SAFB: variants seen among roughly 807,000 people sequenced by gnomAD.
SAFB encodes the protein scaffold attachment factor B1.
Under a neutral mutation model 101.6 loss-of-function variants are expected in SAFB, and 15 were observed. That is an observed-to-expected ratio of 0.15 (90% CI 0.10 to 0.23). The LOEUF is 0.23. Among genes scored for constraint, SAFB ranks in the 10% least tolerant of loss-of-function variants. SAFB has a pLI of 1.00. For missense variants in SAFB, 930 were observed against 1,104.1 expected (o/e 0.84, Z 2.23); for synonymous variants, 449 against 407.5 (o/e 1.10, Z -1.23).
chr19:5,658,849 AAAG>A (rs966321326), intron 14 of SAFB, among the ~76,000 whole-genome samples: 2 of 146,278 alleles, frequency 1.4e-5, no homozygotes, highest in African/African-American at 5.1e-5. Flanking sequence ...TCTCAAAAAA[AAAG>A]GGGGGGTCGG....
At chr19:5,657,462 C>T (rs2054089267) in intron 14 of SAFB, 115 bp downstream of exon 14, 1 of 645,500 alleles carries the variant, frequency 1.5e-6, no homozygotes, top group Non-Finnish European at 2.8e-6. Flanking sequence ...AACCTTTTTG[C>T]TCCTTCAGCT....
intron 4 of SAFB, among the ~76,000 whole-genome samples, chr19:5,642,652 T>C (rs1253308196): frequency 2.6e-5 from 1 of 37,874 alleles, no homozygotes; most frequent in Admixed American, 2.9e-4. Context: ...CCTTCCTTTC[T>C]TTTTTTTTTT....
Position 5,654,180 on chromosome 19 carries a change from G to A in SAFB, c.1646G>A (p.Arg549Gln), listed in dbSNP as rs767791028. 8 of 1,614,204 alleles carry A rather than the reference G, an allele frequency of 5.0e-6. No homozygotes were observed. The highest frequency in any genetic ancestry group is 4.4e-5 in the South Asian group (4 of 91,082). The change falls in exon 12 of 21, where the codon CGA becomes CAA. Residue 549 changes from arginine to glutamine, a missense_variant. Transcript: ENST00000588852. ...GATCAGAAACCTGGCCCCTCAGAGC[G>A]ATCTCGAGCCACAAAGTCAGGTGGG... Reference protein sequence around the residue: ...QDDQKPGPSERSRATKSGSRG... With the variant: ...QDDQKPGPSEQSRATKSGSRG...
intron 14 of SAFB, 99 bp from the exon 15 acceptor site, chr19:5,661,419 A>T (rs1174440267): frequency 6.5e-7 from 1 of 1,538,198 alleles, no homozygotes; most frequent in African/African-American, 1.4e-5. Flanking sequence ...GTGGACGCAC[A>T]GCCCTGGAGT....
chr19:5,634,146 G>A (rs1335163429), intron 2 of SAFB, among the ~76,000 whole-genome samples: 1 of 152,070 alleles, frequency 6.6e-6, no homozygotes, highest in African/African-American at 2.4e-5. Flanking sequence ...TTCAAGTCCT[G>A]CGAAATCACT....
intron 8 of SAFB, 68 bp downstream of exon 8, chr19:5,650,043 C>G (rs945107544): frequency 7.9e-7 from 1 of 1,266,494 alleles, no homozygotes; most frequent in African/African-American, 1.5e-5. Context: ...GTATTTGATT[C>G]TGGTTCATCG....
At chr19:5,647,080 G>A (rs11671068) in intron 5 of SAFB, among the ~76,000 whole-genome samples, 2,987 of 152,344 alleles carry the variant, frequency 0.02, 52 homozygotes, top group South Asian at 0.096. Context: ...CCCATCAGTT[G>A]ACTGGAATTC....
chr19:5,641,433 G>C (rs2053711138), intron 2 of SAFB, among the ~76,000 whole-genome samples, 161 bp from the exon 3 acceptor site: 2 of 151,776 alleles, frequency 1.3e-5, no homozygotes, highest in African/African-American at 4.8e-5. Context: ...GGGCAGGGCT[G>C]TCTTGTGCGG....
chr19:5,649,102 G>C lies in SAFB; in HGVS notation c.751G>C (p.Asp251His). ...ACAGGACACAAGTAGCGTGGGGCCA[G>C]ACAGAAAGCTTGCGGAGGAAGAGGA... ...FAQDTSSVGPDRKLAEEEDLF... is the reference protein window; with the variant it reads ...FAQDTSSVGPHRKLAEEEDLF... The change falls in exon 7 of 21, where the codon GAC (aspartate) becomes CAC (histidine). Residue 251 changes from aspartate (D) to histidine (H), a missense_variant. Asp to His is a moderately conservative substitution (Grantham distance 81, BLOSUM62 -1). Coordinates refer to ENST00000588852, the MANE Select transcript of SAFB (RefSeq NM_001201338.2). 1 of 445,272 alleles carries C rather than the reference G, an allele frequency of 2.2e-6. No individual in the cohort carries two copies. Among genetic ancestry groups the C allele is most frequent in the Non-Finnish European group, 3.8e-6 (1 of 264,816 alleles). The allele number at this position is 445,272 out of a possible 1,614,324, so 27.6% of individuals were successfully genotyped here.
chr19:5,661,561 C>G lies in SAFB; in HGVS notation c.1906C>G (p.Gln636Glu). The G allele has an allele frequency of 6.2e-7, 1 of 1,613,108 alleles. No homozygotes were observed. The highest frequency in any genetic ancestry group is 1.7e-5 in the Admixed American group (1 of 60,016). The change falls in exon 15 of 21, where the codon CAG becomes GAG. Residue 636 changes from glutamine to glutamate, a missense_variant. Transcript: ENST00000588852. ...TGAACGCGAACAACGCATGCAGGCG[C>G]AGTGGGAGCGCGAGGAGCGTGAGCG... ...RSEREQRMQA[Q>E]WEREERERLE...
At chr19:5,665,675 C>T (rs1599391036) in intron 17 of SAFB, 1 of 152,152 alleles carries the variant, frequency 6.6e-6, no homozygotes, top group East Asian at 1.9e-4. Flanking sequence ...GCTCTCCTAA[C>T]AGTGGAACGC....
chr19:5,628,147 A>G (rs567155306), intron 2 of SAFB, among the ~76,000 whole-genome samples: 56 of 152,246 alleles, frequency 3.7e-4, no homozygotes, highest in African/African-American at 1.2e-3. Flanking sequence ...GCTACTCAGG[A>G]GGCTGAGGCA....
chr19:5,656,020 C>T (rs2054051107), intron 13 of SAFB, among the ~76,000 whole-genome samples: 1 of 152,068 alleles, frequency 6.6e-6, no homozygotes, highest in Non-Finnish European at 1.5e-5. Flanking sequence ...TCCATTTTTT[C>T]TCTATTAAAT....
At chr19:5,644,834 A>G (rs2145437313) in intron 4 of SAFB, among the ~76,000 whole-genome samples, 1 of 152,322 alleles carries the variant, frequency 6.6e-6, no homozygotes, top group East Asian at 1.9e-4. Flanking sequence ...GGATATTGCC[A>G]GTCTCGAGCT....
chr19:5,629,123 A>G (rs2053433577), intron 2 of SAFB, among the ~76,000 whole-genome samples: 1 of 152,216 alleles, frequency 6.6e-6, no homozygotes, highest in African/African-American at 2.4e-5. Context: ...CATGGGAGTA[A>G]AAAGCAGAAG....
At chr19:5,658,420 C>T (rs2054114497) in intron 14 of SAFB, among the ~76,000 whole-genome samples, 1 of 152,246 alleles carries the variant, frequency 6.6e-6, no homozygotes, top group Non-Finnish European at 1.5e-5. Flanking sequence ...AAGGACCCCC[C>T]TGGGCGCAGT....
chr19:5,654,340 A>G (rs1258386091), intron 12 of SAFB, 28 bp from the exon 13 acceptor site: 2 of 1,601,734 alleles, frequency 1.2e-6, no homozygotes, highest in East Asian at 4.5e-5. Flanking sequence ...TTGGTTTTCC[A>G]CTTACACTTT....
intron 14 of SAFB, among the ~76,000 whole-genome samples, chr19:5,659,809 TG>T (rs1402485769): frequency 6.6e-6 from 1 of 152,098 alleles, no homozygotes; most frequent in Non-Finnish European, 1.5e-5. Context: ...CACAGGAGCC[TG>T]CCGTGCTAAA....
At chr19:5,662,137 G>A (rs540362383) in intron 15 of SAFB, among the ~76,000 whole-genome samples, 141 of 152,110 alleles carry the variant, frequency 9.3e-4, no homozygotes, top group African/African-American at 3.2e-3. Context: ...CACCTGCCTC[G>A]GCCTCCCAAA....
Sources: allele counts gnomAD v4.1 joint callset (sites outside exome capture counted in the v4.1 genomes callset), GRCh38; gene constraint gnomAD v4.1.1; transcripts MANE v1.5; gene names NCBI Gene and HGNC (gene_info 2026-07-23, HGNC 2026-07-21).